Variants in GPR63 observed in about 807,000 individuals in gnomAD.
GPR63 encodes the protein G protein-coupled receptor 63, also known as probable G protein-coupled receptor 63.
GPR63 carries 12 observed loss-of-function variants against 23.1 expected under a neutral mutation model. The ratio of observed to expected loss-of-function variants is 0.52; its 90% CI spans 0.33 to 0.84. GPR63 has a LOEUF of 0.84. Among genes scored for constraint, GPR63 ranks in the 40% least tolerant of loss-of-function variants. GPR63 has a pLI of 0.02. For synonymous variants in GPR63, 172 were observed against 191.1 expected (o/e 0.90, Z 0.82); for missense variants, 472 against 515.6 (o/e 0.92, Z 0.82).
chr6:96,820,709 G>A (rs1401497003), intron 1 of GPR63, among the ~76,000 whole-genome samples: 1 of 151,746 alleles, frequency 6.6e-6, no homozygotes, highest in Admixed American at 6.6e-5. Context: ...CTGAATTTCT[G>A]GGTAGAGCTC....
intron 1 of GPR63, among the ~76,000 whole-genome samples, chr6:96,824,898 G>A (rs981115354): frequency 6.6e-6 from 1 of 152,092 alleles, no homozygotes; most frequent in African/African-American, 2.4e-5. Context: ...AAGAGCTGAC[G>A]CAACTGATAT....
chr6:96,819,548 A>C (rs997266115), intron 1 of GPR63, among the ~76,000 whole-genome samples: 2 of 152,062 alleles, frequency 1.3e-5, no homozygotes, highest in Admixed American at 1.3e-4. Context: ...GGAGAGCTTT[A>C]GGACAAATAC....
chr6:96,799,973 A>G (rs1338514232), intron 1 of GPR63, 92 bp from the exon 2 acceptor site: 2 of 537,638 alleles, frequency 3.7e-6, no homozygotes, highest in East Asian at 6.4e-5. Flanking sequence ...ATGAAGGATC[A>G]GTTTTGCTCT....
intron 1 of GPR63, among the ~76,000 whole-genome samples, chr6:96,831,419 T>C (rs1200279664): frequency 1.3e-4 from 19 of 150,634 alleles, no homozygotes; most frequent in Non-Finnish European, 2.8e-4. Context: ...CTTGACTCTT[T>C]CATATTACAC....
At chr6:96,823,978 T>G (rs1774372595) in intron 1 of GPR63, among the ~76,000 whole-genome samples, 1 of 152,110 alleles carries the variant, frequency 6.6e-6, no homozygotes, top group Non-Finnish European at 1.5e-5. Flanking sequence ...AGAAATTGCC[T>G]CATGACTCAC....
At chr6:96,819,925 G>C (rs1382350696) in intron 1 of GPR63, among the ~76,000 whole-genome samples, 4 of 132,948 alleles carry the variant, frequency 3.0e-5, no homozygotes, top group African/African-American at 8.6e-5. Context: ...GCAGTGAGCT[G>C]ATATCGCTCA....
At chr6:96,831,927 T>C (rs964553840) in intron 1 of GPR63, among the ~76,000 whole-genome samples, 3 of 151,254 alleles carry the variant, frequency 2.0e-5, no homozygotes, top group African/African-American at 4.9e-5. Flanking sequence ...AAAAAATAAA[T>C]AAATAAAAAT....
At position 96,794,499 on chromosome 6, in the gene GPR63, A is replaced by G. The variant is rs1343954670; in HGVS notation, c.*3973T>C. The G allele has an allele frequency of 6.6e-6, 1 of 152,226 alleles. No individual in the cohort carries two copies. Among genetic ancestry groups the G allele is most frequent in the Non-Finnish European group, 1.5e-5 (1 of 68,026 alleles). 9.4% of individuals were successfully genotyped at this position (152,226 alleles called of 1,614,324 possible). On this transcript the variant is annotated 3_prime_UTR_variant, in exon 2 of 2. Transcript: ENST00000229955. Reference sequence around the variant, plus strand: ...TGTAGAATAAAATGTCAAGCAAGTGAAAACTTTTCTGTGATATATACAGAA... The same window carrying G: ...TGTAGAATAAAATGTCAAGCAAGTGGAAACTTTTCTGTGATATATACAGAA...
chr6:96,799,678 T>C lies in GPR63; in HGVS notation c.54A>G (p.Thr18=). The C allele has an allele frequency of 6.2e-7, 1 of 1,614,160 alleles. No individual in the cohort carries two copies. The highest frequency in any genetic ancestry group is 1.1e-5 in the South Asian group (1 of 91,078). Residue 18 remains threonine (T), a synonymous_variant, in exon 2 of 2, where the codon ACA becomes ACG. Coordinates refer to ENST00000229955, the MANE Select transcript of GPR63 (RefSeq NM_030784.4). ...TGTAGGTGTTTTCATACACGACAAA[T>C]GTTGTGTTGGATGTCCCGGTATGGA... ...TAFHTGTSNT[T]FVVYENTYMN...
chr6:96,802,526 A>C (rs1307532085), intron 1 of GPR63, among the ~76,000 whole-genome samples: 1 of 149,628 alleles, frequency 6.7e-6, no homozygotes, highest in Non-Finnish European at 1.5e-5. Flanking sequence ...TCAGTAGATA[A>C]AAAATTTTTT....
chr6:96,800,977 A>G (rs1447974173), intron 1 of GPR63, among the ~76,000 whole-genome samples: 1 of 152,194 alleles, frequency 6.6e-6, no homozygotes, highest in African/African-American at 2.4e-5. Flanking sequence ...CTGTAACTCC[A>G]GAGTTTTCTG....
chr6:96,821,398 G>A (rs1197215305), intron 1 of GPR63, among the ~76,000 whole-genome samples: 2 of 152,142 alleles, frequency 1.3e-5, no homozygotes, highest in Non-Finnish European at 2.9e-5. Flanking sequence ...ATTCTGCGCT[G>A]TGATTTTGAT....
rs539614834 is a variant in GPR63, at chr6:96,826,908, C to T, written c.-151+10360G>A. Reference sequence around the variant, plus strand: ...AAATAAAGCATCATCAAACAGAAATCTGATTTAAAATGTGCCGAAGTCAGT... The same window carrying T: ...AAATAAAGCATCATCAAACAGAAATTTGATTTAAAATGTGCCGAAGTCAGT... On this transcript the variant is annotated intron_variant, in intron 1 of 1. Transcript: ENST00000229955. 6.8e-4 allele frequency among the ~76,000 whole-genome samples: 104 copies of T among 151,924 alleles called. 1 individual carries two copies. The South Asian group carries it at 0.021, about 30-fold the overall frequency.
chr6:96,813,047 T>C (rs1050462198), intron 1 of GPR63, among the ~76,000 whole-genome samples: 46 of 152,120 alleles, frequency 3.0e-4, no homozygotes, highest in African/African-American at 1.0e-3. Context: ...TTCTATTCTC[T>C]ACCTCCATGA....
chr6:96,832,946 C>T (rs914616657), intron 1 of GPR63, among the ~76,000 whole-genome samples: 3 of 152,068 alleles, frequency 2.0e-5, no homozygotes, highest in Admixed American at 6.5e-5. Flanking sequence ...AACTTATACT[C>T]GAAACTCCTA....
intron 1 of GPR63, among the ~76,000 whole-genome samples, chr6:96,836,563 G>A (rs1774733520): frequency 6.6e-6 from 1 of 151,714 alleles, no homozygotes; most frequent in Non-Finnish European, 1.5e-5. Context: ...ATTTGGGCAA[G>A]CCCTGGGGGA....
chr6:96,798,528 G>A lies in GPR63; in HGVS notation c.1204C>T (p.Arg402Ter), dbSNP rs955123836. 6.8e-6 allele frequency: 11 copies of A among 1,614,056 alleles called. No homozygotes were observed. The highest frequency in any genetic ancestry group is 2.7e-5 in the African/African-American group (2 of 74,914). The change falls in exon 2 of 2, where the codon CGA becomes TGA. Residue 402 changes from arginine (R) to a stop codon, truncating the protein, a stop_gained. Coordinates refer to ENST00000229955, the MANE Select transcript of GPR63 (RefSeq NM_030784.4). LOFTEE classifies it high-confidence loss of function. The stretch of plus-strand genomic sequence containing the variant: ...TAGACAGCACTAGGACGTATCCGTC[G>A]CTTTGTGTGACCAGGGAGCTGCGGC... ...FLPQLPGHTKRRIRPSAVYVC... is the reference protein window; with the variant it reads ...FLPQLPGHTK
At chr6:96,808,163 A>C (rs1381520730) in intron 1 of GPR63, among the ~76,000 whole-genome samples, 1 of 152,246 alleles carries the variant, frequency 6.6e-6, no homozygotes, top group Non-Finnish European at 1.5e-5. Flanking sequence ...TGTGGAAATG[A>C]ATCAGGATTA....
intron 1 of GPR63, among the ~76,000 whole-genome samples, chr6:96,836,919 C>G (rs938678356): frequency 1.3e-5 from 2 of 152,032 alleles, no homozygotes; most frequent in African/African-American, 4.8e-5. Flanking sequence ...AACAGCCCAG[C>G]AGGAAAGGAG....
Sources: gnomAD v4.1 joint callset for allele counts (sites outside exome capture counted in the v4.1 genomes callset) on GRCh38, gnomAD v4.1.1 for gene constraint, MANE v1.5 for transcripts, NCBI Gene and HGNC (gene_info 2026-07-23, HGNC 2026-07-21) for gene names.